TMEM144: variants seen among roughly 807,000 people sequenced by gnomAD.
TMEM144 encodes the protein transmembrane protein 144.
A neutral mutation model predicts 43.6 loss-of-function variants in TMEM144; 39 were observed. That is an observed-to-expected ratio of 0.90 (90% CI 0.69 to 1.17). The LOEUF (loss-of-function observed/expected upper bound fraction) is 1.17. Ranked by LOEUF, TMEM144 falls within the 50% of genes most tolerant of loss-of-function variation. The pLI is 0.00. For synonymous variants in TMEM144, 154 were observed against 133.6 expected (o/e 1.15, Z -1.06); for missense variants, 417 against 411.9 (o/e 1.01, Z -0.11).
intron 12 of TMEM144, among the ~76,000 whole-genome samples, chr4:158,252,789 C>T (rs1213038841): frequency 4.4e-5 from 6 of 136,326 alleles, no homozygotes; most frequent in Admixed American, 1.7e-4. Flanking sequence ...GCCTAGGTGA[C>T]GGAGGGAGAC....
Position 158,212,623 on chromosome 4 carries a change from AC to A in TMEM144, c.-44del. 1 of 1,401,914 alleles carries A rather than the reference AC, an allele frequency of 7.1e-7. No individual in the cohort carries two copies. The highest frequency in any genetic ancestry group is 9.8e-7 in the Non-Finnish European group (1 of 1,018,890). The allele number at this position is 1,401,914 out of a possible 1,614,324, so 86.8% of individuals were successfully genotyped here. A position where few individuals can be genotyped will look rare whatever the true frequency, so the allele number is the denominator to read the frequency against. ...TTTATTTCAGAAGCTCCTGAAAAGTACATCAAGTCTAAAGTGAACCAGCTAA... is the reference window on the plus strand; with the variant it reads ...TTTATTTCAGAAGCTCCTGAAAAGTAATCAAGTCTAAAGTGAACCAGCTAA... On this transcript the variant is annotated 5_prime_UTR_variant, in exon 3 of 13. Transcript: ENST00000296529.
intron 5 of TMEM144, among the ~76,000 whole-genome samples, chr4:158,218,006 T>C (rs1734314514): frequency 6.6e-6 from 1 of 152,108 alleles, no homozygotes; most frequent in African/African-American, 2.4e-5. Flanking sequence ...AGTGGCAGAG[T>C]TGAGCAGCAA....
intron 12 of TMEM144, among the ~76,000 whole-genome samples, chr4:158,249,591 T>C (rs1384992835): frequency 1.3e-5 from 2 of 152,220 alleles, no homozygotes; most frequent in African/African-American, 4.8e-5. Context: ...GAAAAAAATT[T>C]TTCATTCCCT....
chr4:158,220,082 A>AGAAC (rs1734437077), intron 6 of TMEM144, among the ~76,000 whole-genome samples: 2 of 152,286 alleles, frequency 1.3e-5, no homozygotes, highest in South Asian at 4.1e-4. Context: ...TCTTCACATA[A>AGAAC]TGGATAGTAC....
chr4:158,212,550 A>T, intron 2 of TMEM144, 58 bp from the exon 3 acceptor site: 1 of 683,390 alleles, frequency 1.5e-6, no homozygotes, highest in Non-Finnish European at 2.4e-6. Flanking sequence ...ATAATATGTT[A>T]ATCACAATTT....
chr4:158,228,294 T>A (rs1734877764), intron 6 of TMEM144, among the ~76,000 whole-genome samples: 1 of 151,512 alleles, frequency 6.6e-6, no homozygotes, highest in Non-Finnish European at 1.5e-5. Context: ...AGGCATGCCA[T>A]GGGTGATCAG....
Position 158,212,653 on chromosome 4 carries a change from A to G in TMEM144, c.-15A>G. 1.3e-6 allele frequency: 2 copies of G among 1,589,856 alleles called. No individual in the cohort carries two copies. The highest frequency in any genetic ancestry group is 1.7e-6 in the Non-Finnish European group (2 of 1,164,490). On this transcript the variant is annotated 5_prime_UTR_variant, in exon 3 of 13. Coordinates refer to ENST00000296529, the MANE Select transcript of TMEM144 (RefSeq NM_018342.5). ...AAGTCTAAAGTGAACCAGCTAACTC[A>G]TTAAGACTGGAATCATGAGCAACAA...
chr4:158,248,259 C>G (rs964641996), intron 12 of TMEM144, among the ~76,000 whole-genome samples: 4 of 151,820 alleles, frequency 2.6e-5, no homozygotes, highest in African/African-American at 9.7e-5. Context: ...ATGGCAAAAC[C>G]CTGTCTCTAC....
At chr4:158,237,346 T>C (rs184157010) in intron 8 of TMEM144, 179 bp from the exon 9 acceptor site, 121 of 551,416 alleles carry the variant, frequency 2.2e-4, no homozygotes, top group African/African-American at 2.1e-3. Flanking sequence ...CTAGTCCTGA[T>C]GCCACTTTAA....
intron 3 of TMEM144, 110 bp downstream of exon 3, chr4:158,212,886 C>A: frequency 1.1e-6 from 1 of 872,542 alleles, no homozygotes; most frequent in Non-Finnish European, 1.9e-6. Flanking sequence ...ATCTTGATAC[C>A]TAGTGAATAG....
chr4:158,221,354 A>G (rs1734497807), intron 6 of TMEM144, among the ~76,000 whole-genome samples: 1 of 152,164 alleles, frequency 6.6e-6, no homozygotes, highest in African/African-American at 2.4e-5. Flanking sequence ...CCACCAAAAC[A>G]TAATGTCTTC....
chr4:158,235,218 A>G, intron 7 of TMEM144: 1 of 470,516 alleles, frequency 2.1e-6, no homozygotes, highest in Non-Finnish European at 3.8e-6. Context: ...TAAATGTGAG[A>G]ATTTGAAATG....
chr4:158,237,856 CTT>C (rs1423781523), intron 9 of TMEM144, among the ~76,000 whole-genome samples: 2 of 152,180 alleles, frequency 1.3e-5, no homozygotes, highest in Admixed American at 1.3e-4. Context: ...AGCCAGGACT[CTT>C]TTCAACTACT....
intron 3 of TMEM144, 151 bp downstream of exon 3, chr4:158,212,927 T>C (rs1386508816): frequency 2.9e-6 from 2 of 686,138 alleles, no homozygotes; most frequent in Non-Finnish European, 5.1e-6. Flanking sequence ...ACAGTGCTCA[T>C]ACCAGTTTGT....
chr4:158,217,903 T>G (rs1239144989), intron 5 of TMEM144, among the ~76,000 whole-genome samples: 1 of 152,222 alleles, frequency 6.6e-6, no homozygotes, highest in Non-Finnish European at 1.5e-5. Flanking sequence ...CAAAGCACGG[T>G]CTGGTTTCCC....
chr4:158,212,008 C>T (rs987294085), intron 2 of TMEM144: 1 of 151,986 alleles, frequency 6.6e-6, no homozygotes, highest in Non-Finnish European at 1.5e-5. Context: ...ATTACTATAA[C>T]ATTAAATTTG....
intron 3 of TMEM144, among the ~76,000 whole-genome samples, chr4:158,214,557 G>A (rs958302007): frequency 6.6e-6 from 1 of 152,098 alleles, no homozygotes; most frequent in Non-Finnish European, 1.5e-5. Context: ...TCATCACCAG[G>A]TTATCTTCAG....
intron 8 of TMEM144, among the ~76,000 whole-genome samples, chr4:158,235,944 G>A (rs1735323683): frequency 6.6e-6 from 1 of 152,156 alleles, no homozygotes; most frequent in Admixed American, 6.5e-5. Flanking sequence ...GACATTCATT[G>A]TCAAATATAG....
intron 3 of TMEM144, 131 bp from the exon 4 acceptor site, chr4:158,215,060 T>C: frequency 9.2e-7 from 1 of 1,090,530 alleles, no homozygotes; most frequent in Non-Finnish European, 1.3e-6. Context: ...AAGAATGAAA[T>C]GTGCAAAGTC....
Sources: allele counts gnomAD v4.1 joint callset (sites outside exome capture counted in the v4.1 genomes callset), GRCh38; gene constraint gnomAD v4.1.1; transcripts MANE v1.5; gene names NCBI Gene and HGNC (gene_info 2026-07-23, HGNC 2026-07-21).